Variants in SGCZ observed in about 807,000 individuals in gnomAD.
SGCZ encodes sarcoglycan zeta.
Under a neutral mutation model 41.3 loss-of-function variants are expected in SGCZ, and 40 were observed. The ratio of observed to expected loss-of-function variants is 0.97; its 90% CI spans 0.75 to 1.26. The LOEUF (loss-of-function observed/expected upper bound fraction) is 1.26. Among genes scored for constraint, SGCZ ranks in the 50% most tolerant of loss-of-function variants. The pLI is 0.00. For synonymous variants in SGCZ, 206 were observed against 137.5 expected, an observed-to-expected ratio of 1.50 and a Z score of -3.49; for missense variants, 552 against 369.8, an observed-to-expected ratio of 1.49 and a Z score of -4.04.
chr8:14,921,203 A>T (rs1386263207), intron 1 of SGCZ, among the ~76,000 whole-genome samples: 2 of 152,144 alleles, frequency 1.3e-5, no homozygotes, highest in African/African-American at 4.8e-5. Flanking sequence ...GCTTCCCAAG[A>T]GCAGCCCCAA....
intron 1 of SGCZ, among the ~76,000 whole-genome samples, chr8:14,598,684 C>T (rs1805493125): frequency 6.6e-6 from 1 of 151,970 alleles, no homozygotes; most frequent in African/African-American, 2.4e-5. Flanking sequence ...GGCCATCACA[C>T]CCGGCTAATT....
chr8:14,824,805 T>G (rs542527269), intron 1 of SGCZ, among the ~76,000 whole-genome samples: 12 of 152,238 alleles, frequency 7.9e-5, no homozygotes, highest in African/African-American at 2.4e-4. Context: ...CGATGTAGTA[T>G]AGAAATCCTT....
At chr8:14,130,378 A>G (rs1803001599) in intron 5 of SGCZ, among the ~76,000 whole-genome samples, 1 of 152,174 alleles carries the variant, frequency 6.6e-6, no homozygotes, top group Admixed American at 6.5e-5. Flanking sequence ...AAATATGGAG[A>G]TAAGAAAAAG....
At chr8:15,144,954 A>C (rs896036194) in intron 1 of SGCZ, among the ~76,000 whole-genome samples, 5 of 152,214 alleles carry the variant, frequency 3.3e-5, no homozygotes, top group Admixed American at 3.3e-4. Flanking sequence ...TGATTTCACA[A>C]AACAAGAGAA....
intron 2 of SGCZ, among the ~76,000 whole-genome samples, chr8:14,373,627 A>G (rs865779723): frequency 1.1e-4 from 17 of 152,342 alleles, no homozygotes; most frequent in Middle Eastern, 3.4e-3. Flanking sequence ...GAAGGAAAGA[A>G]TGAAGAACTG....
At chr8:14,112,283 TG>T (rs796504633) in intron 5 of SGCZ, among the ~76,000 whole-genome samples, 1,774 of 113,818 alleles carry the variant, frequency 0.016, 32 homozygotes, top group East Asian at 0.15. Flanking sequence ...TTTTTTTTTG[TG>T]GGGGGGGGGT....
chr8:14,735,347 A>G (rs147076740), intron 1 of SGCZ, among the ~76,000 whole-genome samples: 46 of 152,310 alleles, frequency 3.0e-4, no homozygotes, highest in African/African-American at 1.0e-3. Context: ...GGTGGGCACC[A>G]TCCAATTGGC....
chr8:14,536,824 CA>C (rs1347312683), intron 2 of SGCZ, among the ~76,000 whole-genome samples: 3 of 151,632 alleles, frequency 2.0e-5, no homozygotes. Flanking sequence ...ATAAGTGCCA[CA>C]AAAAAGAAAA....
chr8:15,055,082 C>G (rs954109264), intron 1 of SGCZ, among the ~76,000 whole-genome samples: 1 of 152,072 alleles, frequency 6.6e-6, no homozygotes, highest in Non-Finnish European at 1.5e-5. Flanking sequence ...TAAGTGCCAT[C>G]CTTGTGGTAG....
intron 1 of SGCZ, among the ~76,000 whole-genome samples, chr8:14,687,348 C>T (rs1184389225): frequency 6.7e-6 from 1 of 148,620 alleles, no homozygotes; most frequent in Non-Finnish European, 1.5e-5. Flanking sequence ...TCCCCCCTCC[C>T]CACACCCCAC....
chr8:14,897,222 A>G (rs1189388110), intron 1 of SGCZ, among the ~76,000 whole-genome samples: 1 of 152,218 alleles, frequency 6.6e-6, no homozygotes, highest in Non-Finnish European at 1.5e-5. Context: ...GCCTGTCTCA[A>G]AGGAAATGGT....
At chr8:14,191,262 T>C (rs1173385397) in intron 4 of SGCZ, among the ~76,000 whole-genome samples, 1 of 152,202 alleles carries the variant, frequency 6.6e-6, no homozygotes, top group East Asian at 1.9e-4. Context: ...ATAGTCCAAA[T>C]ATATAATCCT....
At chr8:15,036,637 T>C (rs1198517337) in intron 1 of SGCZ, among the ~76,000 whole-genome samples, 1 of 152,188 alleles carries the variant, frequency 6.6e-6, no homozygotes, top group East Asian at 1.9e-4. Flanking sequence ...AATGGCCTCA[T>C]TGCTGAATTC....
chr8:14,678,739 A>T (rs1460905914), intron 1 of SGCZ, among the ~76,000 whole-genome samples: 1 of 152,236 alleles, frequency 6.6e-6, no homozygotes, highest in East Asian at 1.9e-4. Flanking sequence ...TGCACTTGAA[A>T]GTTGATATTT....
intron 3 of SGCZ, among the ~76,000 whole-genome samples, chr8:14,321,099 T>C (rs1801902270): frequency 6.6e-6 from 1 of 152,108 alleles, no homozygotes; most frequent in African/African-American, 2.4e-5. Flanking sequence ...GTTATCATCA[T>C]TACCATTTAT....
rs140915111 is a variant in SGCZ at position 14,486,945 on chromosome 8, G to C, written c.234+67787C>G. Among the ~76,000 whole-genome samples, 17 of 152,246 alleles carry C rather than the reference G, an allele frequency of 1.1e-4. 1 individual carries two copies. Among genetic ancestry groups the C allele is most frequent in the African/African-American group, 4.1e-4 (17 of 41,558 alleles). On this transcript the variant is annotated intron_variant, in intron 2 of 7. Coordinates refer to ENST00000382080, the MANE Select transcript of SGCZ (RefSeq NM_139167.4). ...CATTGGAACAGAGTAATAATTAGTA[G>C]AGCATGGAATGAAGCAGTTTCATGC...
intron 2 of SGCZ, among the ~76,000 whole-genome samples, chr8:14,324,700 AGT>A (rs1802033971): frequency 6.6e-6 from 1 of 152,128 alleles, no homozygotes; most frequent in South Asian, 2.1e-4. Flanking sequence ...TCAAACCATG[AGT>A]AGGTGTCTGT....
At chr8:14,800,551 G>A (rs940069315) in intron 1 of SGCZ, among the ~76,000 whole-genome samples, 1 of 152,156 alleles carries the variant, frequency 6.6e-6, no homozygotes, top group African/African-American at 2.4e-5. Context: ...AGGTGATTAA[G>A]TCATGTGGGT....
chr8:14,740,409 T>G (rs537985721), intron 1 of SGCZ, among the ~76,000 whole-genome samples: 1 of 152,074 alleles, frequency 6.6e-6, no homozygotes, highest in African/African-American at 2.4e-5. Flanking sequence ...TTTCCTTTCC[T>G]TTTATAACCA....
Sources: gnomAD v4.1 joint callset for allele counts (sites outside exome capture counted in the v4.1 genomes callset) on GRCh38, gnomAD v4.1.1 for gene constraint, MANE v1.5 for transcripts, NCBI Gene and HGNC (gene_info 2026-07-23, HGNC 2026-07-21) for gene names.